TCERG1L: variants seen among roughly 807,000 people sequenced by gnomAD.
TCERG1L encodes transcription elongation regulator 1-like protein.
Under a neutral mutation model 56.3 loss-of-function variants are expected in TCERG1L, and 37 were observed. The observed-to-expected ratio is 0.66, with a 90% CI of 0.51 to 0.87. TCERG1L has a LOEUF of 0.87. Among genes scored for constraint, TCERG1L ranks in the 40% least tolerant of loss-of-function variants. The probability of loss-of-function intolerance (pLI) is 0.00; values close to 1 mark genes in which losing one functional copy is unlikely to be tolerated. For synonymous variants in TCERG1L, 324 were observed against 326.3 expected, an observed-to-expected ratio of 0.99 and a Z score of 0.08; for missense variants, 799 against 774.2, an observed-to-expected ratio of 1.03 and a Z score of -0.38.
At chr10:131,240,707 G>A (rs919871849) in intron 4 of TCERG1L, among the ~76,000 whole-genome samples, 9 of 152,302 alleles carry the variant, frequency 5.9e-5, no homozygotes, top group African/African-American at 2.2e-4. Context: ...GAAGGTGACT[G>A]AGTCGGCGTC....
intron 4 of TCERG1L, among the ~76,000 whole-genome samples, chr10:131,222,188 G>A (rs996162332): frequency 1.3e-5 from 2 of 152,224 alleles, no homozygotes; most frequent in African/African-American, 2.4e-5. Flanking sequence ...CGCGGCATGC[G>A]AGTTTAGCAT....
chr10:131,254,401 C>T (rs1846147587), intron 4 of TCERG1L, among the ~76,000 whole-genome samples: 2 of 151,136 alleles, frequency 1.3e-5, no homozygotes, highest in South Asian at 4.2e-4. Context: ...CTAGGCTGGA[C>T]TCCAATTCCC....
At chr10:131,240,012 T>TG (rs1845953724) in intron 4 of TCERG1L, among the ~76,000 whole-genome samples, 1 of 152,154 alleles carries the variant, frequency 6.6e-6, no homozygotes, top group Non-Finnish European at 1.5e-5. Context: ...TTTCAGGAAA[T>TG]GGGTCATCTG....
At chr10:131,235,998 G>A (rs192271397) in intron 4 of TCERG1L, among the ~76,000 whole-genome samples, 14 of 152,300 alleles carry the variant, frequency 9.2e-5, no homozygotes, top group African/African-American at 2.6e-4. Flanking sequence ...AACAGTGCCC[G>A]CTACATGAGC....
chr10:131,211,688 G>A lies in TCERG1L; in HGVS notation c.857-44803C>T, dbSNP rs187340032. 3.9e-5 allele frequency among the ~76,000 whole-genome samples: 6 copies of A among 152,200 alleles called. No individual in the cohort carries two copies. The East Asian group carries it at 9.7e-4, about 25-fold the overall frequency. The stretch of plus-strand genomic sequence containing the variant: ...CCTTCAAACAACATAAATGCAGCAC[G>A]AAAATTGCACACATGGAGGAAAGAA... On this transcript the variant is annotated intron_variant, in intron 4 of 11. Coordinates refer to ENST00000368642, the MANE Select transcript of TCERG1L (RefSeq NM_174937.4).
At chr10:131,293,674 C>T (rs748626758) in intron 3 of TCERG1L, among the ~76,000 whole-genome samples, 2 of 152,172 alleles carry the variant, frequency 1.3e-5, no homozygotes, top group African/African-American at 4.8e-5. Flanking sequence ...TGTAAGAGAA[C>T]GTGCTCCTGA....
Position 131,104,919 on chromosome 10 carries a change from G to A in TCERG1L, c.1396-565C>T, listed in dbSNP as rs189678109. 2.3e-3 allele frequency among the ~76,000 whole-genome samples: 355 copies of A among 152,308 alleles called. 3 individuals are homozygous for A. The highest frequency in any genetic ancestry group is 0.019 in the South Asian group (90 of 4,826). On this transcript the variant is annotated intron_variant, in intron 9 of 11. Coordinates refer to ENST00000368642, the MANE Select transcript of TCERG1L (RefSeq NM_174937.4). ...GTTAACATATTAGTAGGCTAGATTC[G>A]TCACCACTAACCATGACGCATTATT...
At chr10:131,213,096 G>C (rs1845634004) in intron 4 of TCERG1L, among the ~76,000 whole-genome samples, 1 of 152,270 alleles carries the variant, frequency 6.6e-6, no homozygotes, top group Admixed American at 6.5e-5. Flanking sequence ...TGTATGGGCA[G>C]TGAGGGGGCT....
intron 3 of TCERG1L, among the ~76,000 whole-genome samples, chr10:131,280,433 A>G (rs1846438760): frequency 6.6e-6 from 1 of 151,776 alleles, no homozygotes; most frequent in Non-Finnish European, 1.5e-5. Flanking sequence ...GAAGACTGGA[A>G]GCAGGAGGGG....
At position 131,093,474 on chromosome 10, in the gene TCERG1L, C is replaced by T. The variant is rs555142126; in HGVS notation, c.1605-156G>A. Among the ~76,000 whole-genome samples, 17 of 152,238 alleles carry T rather than the reference C, an allele frequency of 1.1e-4. No homozygotes were observed. In the East Asian group the frequency reaches 1.7e-3, roughly 16 times the overall value. ...CGGTGGGTGAGCGGCTCTGACCAGC[C>T]GTGCCTGCTCCTCACCCGGGTCCTG... On this transcript the variant is annotated intron_variant, in intron 11 of 11. Transcript: ENST00000368642.
Position 131,166,778 on chromosome 10 carries a change from C to T in TCERG1L, c.945+19G>A. The T allele has an allele frequency of 1.9e-6, 3 of 1,613,428 alleles. No individual in the cohort carries two copies. The highest frequency in any genetic ancestry group is 1.7e-6 in the Non-Finnish European group (2 of 1,179,544). The stretch of plus-strand genomic sequence containing the variant: ...CAGGGTTTTGTGTCTTTAACACACA[C>T]ACGAGCCCCGAAACTGACCTTGTCT... On this transcript the variant is annotated intron_variant, in intron 5 of 11. Coordinates refer to ENST00000368642, the MANE Select transcript of TCERG1L (RefSeq NM_174937.4).
At chr10:131,296,934 C>T (rs1160495028) in intron 3 of TCERG1L, among the ~76,000 whole-genome samples, 1 of 152,134 alleles carries the variant, frequency 6.6e-6, no homozygotes, top group African/African-American at 2.4e-5. Flanking sequence ...GTACATTGAC[C>T]TTGCATCCTG....
rs1279487452 is a variant in TCERG1L at position 131,166,798 on chromosome 10, T to C, written c.944A>G (p.Lys315Arg). The C allele has an allele frequency of 4.3e-6, 7 of 1,613,826 alleles. No individual in the cohort carries two copies. The highest frequency in any genetic ancestry group is 5.9e-6 in the Non-Finnish European group (7 of 1,179,894). The change falls in exon 5 of 12, where the codon AAG becomes AGG. Residue 315 changes from lysine to arginine, a missense_variant and splice_region_variant. By Grantham distance (26) the Lys-to-Arg change is conservative. Coordinates refer to ENST00000368642, the MANE Select transcript of TCERG1L (RefSeq NM_174937.4). The stretch of plus-strand genomic sequence containing the variant: ...ACACACACGAGCCCCGAAACTGACC[T>C]TGTCTTCTTTGTCTCCATCCCGGCT... ...QKSRDGDKED[K>R]EPPPMLGGGE...
At chr10:131,266,092 A>G (rs1387869847) in intron 3 of TCERG1L, among the ~76,000 whole-genome samples, 1 of 152,244 alleles carries the variant, frequency 6.6e-6, no homozygotes. Context: ...TGTTTACAAC[A>G]TCTTCACCAG....
chr10:131,155,667 G>A (rs895311105), intron 6 of TCERG1L, among the ~76,000 whole-genome samples: 6 of 152,128 alleles, frequency 3.9e-5, no homozygotes, highest in East Asian at 1.9e-4. Flanking sequence ...AACTGCCACC[G>A]GCCCCATGCA....
At chr10:131,112,348 G>A (rs1845420208) in intron 9 of TCERG1L, among the ~76,000 whole-genome samples, 1 of 142,576 alleles carries the variant, frequency 7.0e-6, no homozygotes, top group African/African-American at 2.5e-5. Flanking sequence ...GGGCCCAGAT[G>A]CCCCAACCTA....
chr10:131,223,645 C>T (rs1268162618), intron 4 of TCERG1L, among the ~76,000 whole-genome samples: 3 of 151,958 alleles, frequency 2.0e-5, no homozygotes, highest in African/African-American at 7.3e-5. Flanking sequence ...CACTCATGCT[C>T]ACACACATGC....
intron 5 of TCERG1L, among the ~76,000 whole-genome samples, chr10:131,163,562 G>A (rs1009528527): frequency 3.9e-5 from 6 of 152,222 alleles, no homozygotes; most frequent in African/African-American, 1.4e-4. Context: ...CCAGAAATGA[G>A]CTGACCCAGC....
At chr10:131,287,653 C>A (rs1038910362) in intron 3 of TCERG1L, among the ~76,000 whole-genome samples, 6 of 152,154 alleles carry the variant, frequency 3.9e-5, no homozygotes, top group Non-Finnish European at 8.8e-5. Flanking sequence ...CCAGTGTCCA[C>A]CTCCTTGCCA....
Sources: allele counts gnomAD v4.1 joint callset (sites outside exome capture counted in the v4.1 genomes callset), GRCh38; gene constraint gnomAD v4.1.1; transcripts MANE v1.5; gene names NCBI Gene and HGNC (gene_info 2026-07-23, HGNC 2026-07-21).